Variants in RAD51AP2 observed in about 807,000 individuals in gnomAD.
RAD51AP2 encodes RAD51-associated protein 2.
RAD51AP2 carries 67 observed loss-of-function variants against 85.5 expected under a neutral mutation model. The ratio of observed to expected loss-of-function variants is 0.78; its 90% confidence interval spans 0.64 to 0.96. RAD51AP2 has a LOEUF of 0.96. Among genes scored for constraint, RAD51AP2 ranks in the 40% least tolerant of loss-of-function variants. The pLI, the probability that RAD51AP2 is intolerant of heterozygous loss-of-function variation, is 0.00. For synonymous variants in RAD51AP2, 474 were observed against 446.5 expected (o/e 1.06, Z -0.78); for missense variants, 1,307 against 1,332.4 (o/e 0.98, Z 0.30).
intron 2 of RAD51AP2, among the ~76,000 whole-genome samples, chr2:17,512,804 C>T (rs375353020): frequency 3.9e-5 from 6 of 152,208 alleles, no homozygotes; most frequent in Non-Finnish European, 5.9e-5. Flanking sequence ...TCCTTCATCC[C>T]GGGGAGAAGA....
intron 2 of RAD51AP2, among the ~76,000 whole-genome samples, chr2:17,511,588 G>A (rs1331448919): frequency 6.8e-6 from 1 of 146,720 alleles, no homozygotes. Flanking sequence ...TAAACTGTGG[G>A]GTACATATGT....
At chr2:17,530,657 TG>T in the RAD51AP2 span, among the ~76,000 whole-genome samples, 1 of 146,490 alleles carries the variant, frequency 6.8e-6, no homozygotes, top group South Asian at 2.1e-4. Flanking sequence ...TAGACCAAAG[TG>T]GGAAATTATC....
At position 17,518,054 on chromosome 2, in the gene RAD51AP2, T is replaced by C. The variant is rs1210734159; in HGVS notation, c.362A>G (p.Gln121Arg). 2.5e-6 allele frequency: 4 copies of C among 1,614,044 alleles called. No individual in the cohort carries two copies. Among genetic ancestry groups the C allele is most frequent in the African/African-American group, 2.7e-5 (2 of 74,916 alleles). Residue 121 changes from glutamine to arginine, a missense_variant, in exon 1 of 3, where the codon CAA (glutamine) becomes CGA (arginine). Transcript: ENST00000399080. The part of the protein sequence containing the change: ...MSSCLQSPPS[Q>R]SPDSDLRASG... Reference sequence around the variant, plus strand: ...AGCCCTCAAATCAGAATCAGGACTTTGTGAGGGGGGAGACTGCAAACAGCT... The same window carrying C: ...AGCCCTCAAATCAGAATCAGGACTTCGTGAGGGGGGAGACTGCAAACAGCT...
Position 17,516,480 on chromosome 2 carries a change from T to C in RAD51AP2, c.1936A>G (p.Met646Val). The change falls in exon 1 of 3, where the codon ATG (methionine) becomes GTG (valine). Residue 646 changes from methionine (M) to valine (V), a missense_variant. Transcript: ENST00000399080. ...SRLLEDNMKPMLKKRKLFRTE... is the reference protein window; with the variant it reads ...SRLLEDNMKPVLKKRKLFRTE... Reference sequence around the variant, plus strand: ...CTAAATAACTTCCTTTTCTTTAACATAGGTTTCATATTATCTTCTAATAGT... The same window carrying C: ...CTAAATAACTTCCTTTTCTTTAACACAGGTTTCATATTATCTTCTAATAGT... The C allele has an allele frequency of 1.3e-6, 2 of 1,543,270 alleles. No individual in the cohort carries two copies. The highest frequency in any genetic ancestry group is 2.4e-5 in the South Asian group (2 of 83,070).
At chr2:17,514,541 G>GT (rs1381815626) in intron 1 of RAD51AP2, among the ~76,000 whole-genome samples, 1 of 151,732 alleles carries the variant, frequency 6.6e-6, no homozygotes, top group African/African-American at 2.4e-5. Flanking sequence ...GGCGGCGGGG[G>GT]GGGTGGATCA....
At position 17,517,048 on chromosome 2, in the gene RAD51AP2, T is replaced by C. The variant is rs1311097079; in HGVS notation, c.1368A>G (p.Glu456=). The change falls in exon 1 of 3, where the codon GAA becomes GAG. Residue 456 remains glutamate (E), a synonymous_variant. Coordinates refer to ENST00000399080, the MANE Select transcript of RAD51AP2 (RefSeq NM_001099218.3). ...CTCTTACGAGAAGCTTTGATTGTTCTTCATATGCATTGATGACTTTTGCAC... is the reference window on the plus strand; with the variant it reads ...CTCTTACGAGAAGCTTTGATTGTTCCTCATATGCATTGATGACTTTTGCAC... ...YHCAKVINAY[E]EQSKLLVREI... 6.2e-7 allele frequency: 1 copy of C among 1,610,422 alleles called. No homozygotes were observed. Among genetic ancestry groups the C allele is most frequent in the Non-Finnish European group, 8.5e-7 (1 of 1,178,974 alleles).
At chr2:17,521,473 T>C (rs1662855033), upstream of RAD51AP2, among the ~76,000 whole-genome samples, 1 of 151,978 alleles carries the variant, frequency 6.6e-6, no homozygotes, top group Non-Finnish European at 1.5e-5. Context: ...TGTTTCAAAC[T>C]GAAAGATAAT....
In RAD51AP2 at chr2:17,517,985, C is replaced by G; in HGVS notation, c.431G>C (p.Ser144Thr). Reference sequence around the variant, plus strand: ...TTTGGAGCTATTACTGCGGTGCACACTGAAAGCCTCTCTGTCATGCAGGCC... The same window carrying G: ...TTTGGAGCTATTACTGCGGTGCACAGTGAAAGCCTCTCTGTCATGCAGGCC... ...EAGLHDREAF[S>T]VHRSNSSKAG... The change falls in exon 1 of 3, where the codon AGT (serine) becomes ACT (threonine). Residue 144 changes from serine (S) to threonine (T), a missense_variant. Ser to Thr is a moderately conservative substitution (Grantham distance 58). Around this residue, in one of 3 missense-constraint regions of RAD51AP2, gnomAD observed 635 missense variants for 643.6 expected, o/e 0.99. Coordinates refer to ENST00000399080, the MANE Select transcript of RAD51AP2 (RefSeq NM_001099218.3). 1 of 1,614,212 alleles carries G rather than the reference C, an allele frequency of 6.2e-7. No individual in the cohort carries two copies. The highest frequency in any genetic ancestry group is 1.1e-5 in the South Asian group (1 of 91,080).
At chr2:17,536,889 C>G in the RAD51AP2 span, among the ~76,000 whole-genome samples, 2 of 152,120 alleles carry the variant, frequency 1.3e-5, no homozygotes, top group African/African-American at 4.8e-5. Flanking sequence ...AGAAGGGGCA[C>G]AGACATATAC....
chr2:17,518,157 C>G lies in RAD51AP2; in HGVS notation c.259G>C (p.Asp87His). The G allele has an allele frequency of 6.2e-7, 1 of 1,614,178 alleles. No homozygotes were observed. Among genetic ancestry groups the G allele is most frequent in the Non-Finnish European group, 8.5e-7 (1 of 1,180,000 alleles). Residue 87 changes from aspartate to histidine, a missense_variant, in exon 1 of 3, where the codon GAC becomes CAC. This residue lies in a region of RAD51AP2 where 635 missense variants were observed against 643.6 expected (regional missense o/e 0.99). Coordinates refer to ENST00000399080, the MANE Select transcript of RAD51AP2 (RefSeq NM_001099218.3). ...STNAIFDNSTDSCVEKSVSGK... is the reference protein window; with the variant it reads ...STNAIFDNSTHSCVEKSVSGK... ...CTGACTGATTTCTCCACACACGAGT[C>G]TGTGGAGTTATCGAAAATAGCATTC...
the RAD51AP2 span, among the ~76,000 whole-genome samples, chr2:17,533,405 T>G: frequency 6.6e-6 from 1 of 152,362 alleles, no homozygotes; most frequent in South Asian, 2.1e-4. Flanking sequence ...ATGATTGCAT[T>G]TGACTTTACC....
chr2:17,537,010 T>A, the RAD51AP2 span, among the ~76,000 whole-genome samples: 1 of 152,164 alleles, frequency 6.6e-6, no homozygotes, highest in African/African-American at 2.4e-5. Flanking sequence ...CTGCATCTTT[T>A]AAAAAAAGAT....
the RAD51AP2 span, among the ~76,000 whole-genome samples, chr2:17,525,977 C>T: frequency 6.6e-6 from 1 of 152,010 alleles, no homozygotes; most frequent in Non-Finnish European, 1.5e-5. Context: ...ACATATATGA[C>T]CCTTCTTCTC....
At chr2:17,512,033 A>C (rs1456544546) in intron 2 of RAD51AP2, among the ~76,000 whole-genome samples, 2 of 152,206 alleles carry the variant, frequency 1.3e-5, no homozygotes, top group Non-Finnish European at 2.9e-5. Flanking sequence ...ATGATATATA[A>C]AGCGCCAGTG....
chr2:17,514,528 G>A (rs1180931029), intron 1 of RAD51AP2, among the ~76,000 whole-genome samples: 1 of 108,476 alleles, frequency 9.2e-6, no homozygotes, highest in African/African-American at 2.7e-5. Context: ...TTGGGAGGCC[G>A]AGGGCGGCGG....
chr2:17,514,881 T>C (rs1662602430), intron 1 of RAD51AP2, among the ~76,000 whole-genome samples: 1 of 151,796 alleles, frequency 6.6e-6, no homozygotes, highest in South Asian at 2.1e-4. Context: ...AATGCTATTG[T>C]GGAATTAACA....
In RAD51AP2 at chr2:17,515,922, T is replaced by A; in HGVS notation, c.2494A>T (p.Ile832Phe). 1 of 1,603,000 alleles carries A rather than the reference T, an allele frequency of 6.2e-7. No homozygotes were observed. Among genetic ancestry groups the A allele is most frequent in the Non-Finnish European group, 8.5e-7 (1 of 1,177,290 alleles). ...SEIEEKKYDL[I>F]LKEEVKVTAE... ...GTGACTTTTACTTCCTCTTTCAAAA[T>A]TAAGTCATATTTTTTTTCTTCTATT... The change falls in exon 1 of 3, where the codon ATT becomes TTT. Residue 832 changes from isoleucine (I) to phenylalanine (F), a missense_variant. Ile to Phe is a conservative substitution (Grantham distance 21, BLOSUM62 0). Transcript: ENST00000399080.
chr2:17,517,874 T>C lies in RAD51AP2; in HGVS notation c.542A>G (p.Gln181Arg), dbSNP rs765992931. ...TTCTTTGTGAACATTGTCTCTTCCT[T>C]GGACAAACTGTTGTTTTCGATTCTC... Reference protein sequence around the residue: ...RNENRKQQFVQGRDNVHKENP... With the variant: ...RNENRKQQFVRGRDNVHKENP... The change falls in exon 1 of 3, where the codon CAA becomes CGA. Residue 181 changes from glutamine to arginine, a missense_variant. Gln to Arg is a conservative substitution (Grantham distance 43, BLOSUM62 1). Around this residue, in one of 3 missense-constraint regions of RAD51AP2, gnomAD observed 635 missense variants for 643.6 expected, o/e 0.99. Transcript: ENST00000399080. 6.2e-7 allele frequency: 1 copy of C among 1,614,180 alleles called. No homozygotes were observed. Among genetic ancestry groups the C allele is most frequent in the South Asian group, 1.1e-5 (1 of 91,090 alleles).
chr2:17,528,810 C>G, the RAD51AP2 span, among the ~76,000 whole-genome samples: 1 of 152,036 alleles, frequency 6.6e-6, no homozygotes, highest in African/African-American at 2.4e-5. Flanking sequence ...TACCACTGCT[C>G]CCCAGCCTGG....
Sources: allele counts gnomAD v4.1 joint callset (sites outside exome capture counted in the v4.1 genomes callset), GRCh38; gene constraint gnomAD v4.1.1; regional missense constraint gnomAD v4.1.1; transcripts MANE v1.5; gene names NCBI Gene and HGNC (gene_info 2026-07-23, HGNC 2026-07-21).